The following RHPN2 variants were observed in gnomAD, a reference collection of about 807,000 sequenced individuals.
The protein encoded by RHPN2 is rhophilin-2.
RHPN2 carries 40 observed loss-of-function variants against 79.0 expected under a neutral mutation model. The observed-to-expected ratio is 0.51, with a 90% CI of 0.39 to 0.66. The LOEUF is 0.66. RHPN2 is among the 30% of genes least tolerant of loss of function. RHPN2 has a pLI of 0.00. For missense variants in RHPN2, 686 were observed against 883.5 expected, an observed-to-expected ratio of 0.78 and a Z score of 2.83; for synonymous variants, 285 against 363.5, an observed-to-expected ratio of 0.78 and a Z score of 2.46.
chr19:33,056,834 G>A (rs890817994), intron 1 of RHPN2, among the ~76,000 whole-genome samples: 5 of 152,000 alleles, frequency 3.3e-5, no homozygotes, highest in African/African-American at 7.2e-5. Flanking sequence ...ACCAGGCCGG[G>A]CGCAGTGGCT....
intron 8 of RHPN2, 122 bp downstream of exon 8, chr19:33,002,691 C>T (rs971716963): frequency 1.0e-5 from 11 of 1,050,908 alleles, no homozygotes; most frequent in African/African-American, 3.1e-5. Context: ...CAGTACTGGC[C>T]GGAGCTGGCA....
intron 7 of RHPN2, among the ~76,000 whole-genome samples, chr19:33,006,265 T>C (rs1180075784): frequency 6.6e-6 from 1 of 152,124 alleles, no homozygotes. Context: ...GGTGCAATCA[T>C]AGCTCACTGC....
At chr19:33,063,199 C>T (rs1972296682) in intron 1 of RHPN2, among the ~76,000 whole-genome samples, 1 of 152,082 alleles carries the variant, frequency 6.6e-6, no homozygotes, top group Non-Finnish European at 1.5e-5. Context: ...CCAAACGCCA[C>T]ACATAATTAG....
At chr19:33,016,760 C>G (rs552461508) in intron 4 of RHPN2, among the ~76,000 whole-genome samples, 1 of 152,268 alleles carries the variant, frequency 6.6e-6, no homozygotes, top group East Asian at 1.9e-4. Flanking sequence ...CACACGGACA[C>G]ACAAGTCAGA....
intron 2 of RHPN2, among the ~76,000 whole-genome samples, chr19:33,040,439 C>G (rs1427711671): frequency 6.6e-6 from 1 of 151,888 alleles, no homozygotes; most frequent in East Asian, 2.0e-4. Context: ...GGGGTTTCAC[C>G]ATGTTGGCCA....
At chr19:33,007,571 A>G (rs1260023692) in intron 7 of RHPN2, among the ~76,000 whole-genome samples, 6 of 152,086 alleles carry the variant, frequency 3.9e-5, no homozygotes, top group Non-Finnish European at 8.8e-5. Flanking sequence ...ACCTAATACA[A>G]GAAAAAGAAG....
rs1002526523 is a variant in RHPN2 at position 32,979,776 on chromosome 19, C to T, written c.*220G>A. The stretch of plus-strand genomic sequence containing the variant: ...AATACTTTATATAATAAATAACTTA[C>T]AGCAGTATAGTAACACACCTCAAAA... On this transcript the variant is annotated 3_prime_UTR_variant, in exon 15 of 15. Coordinates refer to ENST00000254260, the MANE Select transcript of RHPN2 (RefSeq NM_033103.5). 141 of 573,182 alleles carry T rather than the reference C, an allele frequency of 2.5e-4. No homozygotes were observed. The East Asian group carries it at 4.1e-3, about 17-fold the overall frequency. The allele number at this position is 573,182 out of a possible 1,614,324, so 35.5% of individuals were successfully genotyped here.
At chr19:33,029,434 G>A (rs1244593051) in intron 2 of RHPN2, among the ~76,000 whole-genome samples, 1 of 150,818 alleles carries the variant, frequency 6.6e-6, no homozygotes, top group Non-Finnish European at 1.5e-5. Flanking sequence ...GCTGAGGCAG[G>A]AGAATGGCGT....
At chr19:33,024,420 G>A (rs1445795557) in intron 3 of RHPN2, among the ~76,000 whole-genome samples, 1 of 152,132 alleles carries the variant, frequency 6.6e-6, no homozygotes, top group Non-Finnish European at 1.5e-5. Flanking sequence ...GTGACAGAGA[G>A]AGACTCCATC....
Position 33,002,189 on chromosome 19 carries a change from G to A in RHPN2, c.1105+58C>T, listed in dbSNP as rs185254310. ...GTTAGCTCTCACTCAGCTCAGAATCGCCCCTGGGGCAGCTGGACCACAGCC... is the reference window on the plus strand; with the variant it reads ...GTTAGCTCTCACTCAGCTCAGAATCACCCCTGGGGCAGCTGGACCACAGCC... On this transcript the variant is annotated intron_variant, in intron 9 of 14. Transcript: ENST00000254260. 12,336 of 1,581,600 alleles carry A rather than the reference G, an allele frequency of 7.8e-3. 77 individuals are homozygous for A. The highest frequency in any genetic ancestry group is 8.3e-3 in the Non-Finnish European group (9,666 of 1,161,306).
chr19:33,017,374 CA>C (rs202014908), intron 4 of RHPN2, among the ~76,000 whole-genome samples: 29,173 of 145,674 alleles, frequency 0.2, 3,592 homozygotes, highest in East Asian at 0.31. Flanking sequence ...AACTCCATCT[CA>C]AAAAAAAAAA....
chr19:33,050,740 G>A (rs1415416087), intron 1 of RHPN2, among the ~76,000 whole-genome samples: 3 of 152,006 alleles, frequency 2.0e-5, no homozygotes, highest in East Asian at 3.9e-4. Flanking sequence ...GCACAGTGGC[G>A]TGAACTCGGC....
At chr19:33,064,755 T>TGGGGGGG in intron 1 of RHPN2, 29 bp downstream of exon 1, 34 of 1,427,858 alleles carry the variant, frequency 2.4e-5, no homozygotes, top group Non-Finnish European at 3.1e-5. Flanking sequence ...AGCCCGCAGG[T>TGGGGGGG]CCCCGCCCGC....
At position 33,050,137 on chromosome 19, in the gene RHPN2, G is replaced by A. The variant is rs115678070; in HGVS notation, c.70-5773C>T. On this transcript the variant is annotated intron_variant, in intron 1 of 14. Transcript: ENST00000254260. The stretch of plus-strand genomic sequence containing the variant: ...CAAAGCCTGAAGATCAGGGTCAATC[G>A]AAACCCATCAGGAAGAGGTCCTCAT... Among the ~76,000 whole-genome samples, 564 of 152,212 alleles carry A rather than the reference G, an allele frequency of 3.7e-3. 1 individual carries two copies. The highest frequency in any genetic ancestry group is 0.012 in the African/African-American group (516 of 41,538).
intron 10 of RHPN2, among the ~76,000 whole-genome samples, chr19:32,999,292 C>T (rs1342308085): frequency 1.3e-5 from 2 of 152,120 alleles, no homozygotes; most frequent in Non-Finnish European, 2.9e-5. Flanking sequence ...AATCAACAAA[C>T]GTCTCCTTCC....
At chr19:32,989,168 G>A (rs879506911) in intron 14 of RHPN2, among the ~76,000 whole-genome samples, 6 of 151,984 alleles carry the variant, frequency 3.9e-5, no homozygotes, top group African/African-American at 1.4e-4. Context: ...GGAGTGCAAT[G>A]GCGCGATCTC....
chr19:33,061,514 C>T (rs1170034880), intron 1 of RHPN2, among the ~76,000 whole-genome samples: 1 of 150,116 alleles, frequency 6.7e-6, no homozygotes, highest in South Asian at 2.1e-4. Context: ...TACGGAGTCT[C>T]ACTCTGTTGC....
chr19:33,034,387 C>T (rs993052979), intron 2 of RHPN2, among the ~76,000 whole-genome samples: 16 of 151,594 alleles, frequency 1.1e-4, no homozygotes, highest in African/African-American at 3.6e-4. Context: ...GGGCAGATCA[C>T]GAGGTCAGGA....
chr19:32,981,418 G>GGGT lies in RHPN2; in HGVS notation c.1801-1163_1801-1162insACC, dbSNP rs1163050933. Among the ~76,000 whole-genome samples the GGGT allele has an allele frequency of 1.1e-3, 5 of 4,466 alleles. No individual in the cohort carries two copies. The African/African-American group carries it at 0.012, about 10-fold the overall frequency. 2.9% of individuals were successfully genotyped at this position (4,466 alleles called of 152,430 possible). On this transcript the variant is annotated intron_variant, in intron 14 of 14. Coordinates refer to ENST00000254260, the MANE Select transcript of RHPN2 (RefSeq NM_033103.5). The stretch of plus-strand genomic sequence containing the variant: ...ACCTCTGTCTCAAAATAAAAAAAAA[G>GGGT]GGGGGGGGCGGGGGGAAGGGAAGAG...
Sources: allele counts gnomAD v4.1 joint callset (sites outside exome capture counted in the v4.1 genomes callset), GRCh38; gene constraint gnomAD v4.1.1; transcripts MANE v1.5; gene names NCBI Gene and HGNC (gene_info 2026-07-23, HGNC 2026-07-21).